Variants in MKI67 observed in about 807,000 individuals in gnomAD.
MKI67 encodes marker of proliferation Ki-67.
A neutral mutation model predicts 233.5 loss-of-function variants in MKI67; 152 were observed. The ratio of observed to expected loss-of-function variants is 0.65; its 90% CI spans 0.57 to 0.74. The LOEUF (loss-of-function observed/expected upper bound fraction) is 0.74. MKI67 is among the 30% of genes least tolerant of loss of function. The probability of loss-of-function intolerance (pLI) is 0.00; values close to 1 mark genes in which losing one functional copy is unlikely to be tolerated. For missense variants in MKI67, 3,940 were observed against 3,885.2 expected, an observed-to-expected ratio of 1.01 and a Z score of -0.37; for synonymous variants, 1,465 against 1,418.5, an observed-to-expected ratio of 1.03 and a Z score of -0.74.
In MKI67 at chr10:128,109,329, T is replaced by G; in HGVS notation, c.2511A>C (p.Glu837Asp). 6.2e-7 allele frequency: 1 copy of G among 1,614,226 alleles called. No individual in the cohort carries two copies. The highest frequency in any genetic ancestry group is 8.5e-7 in the Non-Finnish European group (1 of 1,180,034). ...TGGGCGTTTTTGCTACGTTTCCATT[T>G]TCTCTAATACACTGCCGTCTTAAGG... Reference protein sequence around the residue: ...SPPLRRQCIRENGNVAKTPRN... With the variant: ...SPPLRRQCIRDNGNVAKTPRN... Residue 837 changes from glutamate (E) to aspartate (D), a missense_variant, in exon 13 of 15, where the codon GAA becomes GAC. By Grantham distance (45) the Glu-to-Asp change is conservative. Transcript: ENST00000368654.
rs775209463 is a variant in MKI67, at chr10:128,101,623, T to C, written c.9340A>G (p.Arg3114Gly). 6.2e-7 allele frequency: 1 copy of C among 1,613,912 alleles called. No individual in the cohort carries two copies. The highest frequency in any genetic ancestry group is 1.7e-5 in the Admixed American group (1 of 59,956). ...QITEVFVLAE[R>G]IEINRNEKKP... ...TTTTCATTTCTGTTTATTTCTATTC[T>C]TTCTGCTAATACAAAGACCTCAGTT... is the stretch of plus-strand genomic sequence containing the variant. Residue 3114 changes from arginine to glycine, a missense_variant, in exon 14 of 15, where the codon AGA becomes GGA. Physicochemically the swap from Arg to Gly is moderately radical, Grantham distance 125. Transcript: ENST00000368654.
rs1852402221 is a variant in MKI67 at position 128,103,756 on chromosome 10, G to A, written c.8084C>T (p.Ser2695Leu). 6.2e-7 allele frequency: 1 copy of A among 1,613,844 alleles called. No homozygotes were observed. The highest frequency in any genetic ancestry group is 1.7e-5 in the Admixed American group (1 of 59,976). Reference sequence around the variant, plus strand: ...TTTAGTGGCTTTGCCAGCAGTCAGTGATTCCTGAGTGTGACCTGATGTTTC... The same window carrying A: ...TTTAGTGGCTTTGCCAGCAGTCAGTAATTCCTGAGTGTGACCTGATGTTTC... ...LSETSGHTQESLTAGKATKIP... is the reference protein window; with the variant it reads ...LSETSGHTQELLTAGKATKIP... The change falls in exon 13 of 15, where the codon TCA (serine) becomes TTA (leucine). Residue 2695 changes from serine (S) to leucine (L), a missense_variant. Transcript: ENST00000368654.
rs1262408021 is a variant in MKI67, at chr10:128,123,169, C to T, written c.93G>A (p.Arg31=). 1.2e-6 allele frequency: 2 copies of T among 1,610,428 alleles called. No homozygotes were observed. The highest frequency in any genetic ancestry group is 1.7e-5 in the Admixed American group (1 of 59,694). Residue 31 remains arginine, a splice_region_variant and synonymous_variant, in exon 3 of 15, where the codon AGG becomes AGA. Transcript: ENST00000368654. ...PLSLSTCLFG[R]GIECDIRIQL... is the part of the protein sequence containing the mutation. ...GGATACGGATGTCACATTCAATACC[C>T]CTTCATGCAAAAGAAGAAGGTTTTT...
At chr10:128,099,823 G>A (rs1293930436) in intron 14 of MKI67, among the ~76,000 whole-genome samples, 4 of 152,164 alleles carry the variant, frequency 2.6e-5, no homozygotes, top group East Asian at 1.9e-4. Flanking sequence ...CGAAGAGCTC[G>A]GCAAAGAGGA....
chr10:128,109,253 T>C lies in MKI67; in HGVS notation c.2587A>G (p.Thr863Ala). ...GTGGATACTGTTTTTGAAGGCTCTGTCTCAGTATCTGAAGTTTTTGTCTCC... is the reference window on the plus strand; with the variant it reads ...GTGGATACTGTTTTTGAAGGCTCTGCCTCAGTATCTGAAGTTTTTGTCTCC... ...SLETKTSDTE[T>A]EPSKTVSTAN... Residue 863 changes from threonine (T) to alanine (A), a missense_variant, in exon 13 of 15, where the codon ACA (threonine) becomes GCA (alanine). Physicochemically the swap from Thr to Ala is moderately conservative, Grantham distance 58. Transcript: ENST00000368654. 3.7e-6 allele frequency: 6 copies of C among 1,614,186 alleles called. No individual in the cohort carries two copies. Among genetic ancestry groups the C allele is most frequent in the Non-Finnish European group, 5.1e-6 (6 of 1,180,016 alleles).
intron 4 of MKI67, among the ~76,000 whole-genome samples, chr10:128,121,004 G>A (rs1222671037): frequency 2.6e-5 from 4 of 151,986 alleles, no homozygotes; most frequent in Non-Finnish European, 4.4e-5. Context: ...AAAATTAAGG[G>A]GGTGGAAAAG....
chr10:128,107,583 G>T lies in MKI67; in HGVS notation c.4257C>A (p.His1419Gln). The T allele has an allele frequency of 6.2e-7, 1 of 1,614,094 alleles. No homozygotes were observed. Among genetic ancestry groups the T allele is most frequent in the Non-Finnish European group, 8.5e-7 (1 of 1,180,024 alleles). The change falls in exon 13 of 15, where the codon CAC (histidine) becomes CAA (glutamine). Residue 1419 changes from histidine to glutamine, a missense_variant. Physicochemically the swap from His to Gln is conservative, Grantham distance 24. Transcript: ENST00000368654. Reference sequence around the variant, plus strand: ...CCTCACCTCCTGGTACTTTATCTGTGTGTGTGGTTTCCCCTGATGTCTGTG... The same window carrying T: ...CCTCACCTCCTGGTACTTTATCTGTTTGTGTGGTTTCCCCTGATGTCTGTG... ...KLTQTSGETT[H>Q]TDKVPGGEDK...
Position 128,104,905 on chromosome 10 carries a change from G to T in MKI67, c.6935C>A (p.Ala2312Asp). Residue 2312 changes from alanine to aspartate, a missense_variant, in exon 13 of 15, where the codon GCT (alanine) becomes GAT (aspartate). Physicochemically the swap from Ala to Asp is moderately radical, Grantham distance 126. Transcript: ENST00000368654. ...TTTGAAGCCAGCCAGGTCTTCTAGAGCCTGGGCCTTTTCCTTAGGAGTTTG... is the reference window on the plus strand; with the variant it reads ...TTTGAAGCCAGCCAGGTCTTCTAGATCCTGGGCCTTTTCCTTAGGAGTTTG... ...WPQTPKEKAQALEDLAGFKEL... is the reference protein window; with the variant it reads ...WPQTPKEKAQDLEDLAGFKEL... 6.2e-7 allele frequency: 1 copy of T among 1,612,336 alleles called. No individual in the cohort carries two copies. The highest frequency in any genetic ancestry group is 8.5e-7 in the Non-Finnish European group (1 of 1,179,704).
At position 128,106,714 on chromosome 10, in the gene MKI67, TCTTCAGGGA is replaced by T; in HGVS notation, c.5117_5125del (p.Val1706_Glu1708del). On this transcript the variant is annotated inframe_deletion, in exon 13 of 15. Transcript: ENST00000368654. The stretch of plus-strand genomic sequence containing the variant: ...GAAGAGCTCGATGAAGCCGGCCAGG[TCTTCAGGGA>T]CTTCAGACTTTCCCTTAGGAGTTCT... 6.2e-7 allele frequency: 1 copy of T among 1,613,998 alleles called. No individual in the cohort carries two copies. The highest frequency in any genetic ancestry group is 1.1e-5 in the South Asian group (1 of 91,076).
rs1228964864 is a variant in MKI67, at chr10:128,097,794, C to T, written c.*1396G>A. On this transcript the variant is annotated 3_prime_UTR_variant, in exon 15 of 15. Coordinates refer to ENST00000368654, the MANE Select transcript of MKI67 (RefSeq NM_002417.5). ...TGTCCCCTCCCTGCCCCTTTCTATT[C>T]CCTCCCTCAAGCAGAATGTCATTCT... The T allele has an allele frequency of 6.6e-6, 1 of 152,474 alleles. No homozygotes were observed. Among genetic ancestry groups the T allele is most frequent in the Non-Finnish European group, 1.5e-5 (1 of 68,234 alleles). 9.4% of individuals were successfully genotyped at this position (152,474 alleles called of 1,614,324 possible).
intron 14 of MKI67, among the ~76,000 whole-genome samples, chr10:128,100,020 G>C (rs554307083): frequency 4.5e-4 from 68 of 152,362 alleles, no homozygotes; most frequent in Non-Finnish European, 2.8e-4. Context: ...CTTCCAGACT[G>C]TGAATTCGGT....
Position 128,116,543 on chromosome 10 carries a change from G to T in MKI67, c.355-7C>A. The T allele has an allele frequency of 6.2e-7, 1 of 1,612,994 alleles. No homozygotes were observed. ...AGACACGACGTGCTGGCTCCTGTAA[G>T]TTGGGAAAATAAGAACAGTTATTTG... On this transcript the variant is annotated splice_region_variant and splice_polypyrimidine_tract_variant and intron_variant, in intron 5 of 14. Coordinates refer to ENST00000368654, the MANE Select transcript of MKI67 (RefSeq NM_002417.5).
chr10:128,119,221 G>T, intron 5 of MKI67, 32 bp downstream of exon 5: 1 of 1,488,048 alleles, frequency 6.7e-7, no homozygotes, highest in Non-Finnish European at 9.4e-7. Flanking sequence ...TCATCGAAAC[G>T]AATCAGCCCA....
intron 13 of MKI67, among the ~76,000 whole-genome samples, chr10:128,102,105 C>G (rs1263004596): frequency 6.6e-6 from 1 of 152,218 alleles, no homozygotes; most frequent in Non-Finnish European, 1.5e-5. Flanking sequence ...GGAGTTTCCC[C>G]AAACTTCTCT....
chr10:128,101,635 C>T lies in MKI67; in HGVS notation c.9328G>A (p.Val3110Ile). 1.9e-6 allele frequency: 3 copies of T among 1,613,678 alleles called. No individual in the cohort carries two copies. The highest frequency in any genetic ancestry group is 1.7e-6 in the Non-Finnish European group (2 of 1,179,946). The change falls in exon 14 of 15, where the codon GTA (valine) becomes ATA (isoleucine). Residue 3110 changes from valine (V) to isoleucine (I), a missense_variant. Physicochemically the swap from Val to Ile is conservative, Grantham distance 29 (BLOSUM62 3). Transcript: ENST00000368654. ...EAEQQITEVFVLAERIEINRN... is the reference protein window; with the variant it reads ...EAEQQITEVFILAERIEINRN... ...TTTATTTCTATTCTTTCTGCTAATA[C>T]AAAGACCTCAGTTATTTGCTGTTCT...
At position 128,102,541 on chromosome 10, in the gene MKI67, A is replaced by G. The variant is rs759743593; in HGVS notation, c.9261+38T>C. 12 of 1,594,478 alleles carry G rather than the reference A, an allele frequency of 7.5e-6. No homozygotes were observed. The Admixed American group carries it at 1.4e-4, about 18-fold the overall frequency. On this transcript the variant is annotated intron_variant, in intron 13 of 14. Transcript: ENST00000368654. ...ATAACACAGAAATTCACAACTATCC[A>G]AGACGATATTGAGTGATGCTGTAAT...
intron 8 of MKI67, among the ~76,000 whole-genome samples, chr10:128,113,107 C>A (rs1413622481): frequency 6.6e-6 from 1 of 152,144 alleles, no homozygotes; most frequent in Non-Finnish European, 1.5e-5. Flanking sequence ...TATCCAGAAT[C>A]TTTGTAATTG....
intron 2 of MKI67, among the ~76,000 whole-genome samples, chr10:128,124,309 G>T (rs555605556): frequency 1.3e-5 from 2 of 152,324 alleles, no homozygotes; most frequent in South Asian, 4.1e-4. Flanking sequence ...GCAGGAGGAC[G>T]ACTATAGATG....
intron 5 of MKI67, among the ~76,000 whole-genome samples, chr10:128,118,954 TGTTGGGGTTATCCTAATCATGG>T (rs1168616519): frequency 3.3e-5 from 5 of 152,232 alleles, no homozygotes; most frequent in Non-Finnish European, 7.3e-5. Flanking sequence ...TAGCTCTACG[TGTTGGGGTTATCCTAATCATGG>T]GTTTGCAAAA....
Sources: gnomAD v4.1 joint callset for allele counts (sites outside exome capture counted in the v4.1 genomes callset) on GRCh38, gnomAD v4.1.1 for gene constraint, MANE v1.5 for transcripts, NCBI Gene and HGNC (gene_info 2026-07-23, HGNC 2026-07-21) for gene names.